The following B3GALT1 variants were observed in gnomAD, a reference collection of about 807,000 sequenced individuals.
B3GALT1 encodes beta-1,3-galactosyltransferase 1, also known as UDP-Gal:betaGlcNAc beta 1,3-galactosyltransferase, polypeptide 1.
B3GALT1 carries 10 observed loss-of-function variants against 23.2 expected under a neutral mutation model. That is an observed-to-expected ratio of 0.43 (90% CI 0.27 to 0.73). The LOEUF (loss-of-function observed/expected upper bound fraction) is 0.73, where lower values mean the gene tolerates loss of function less well. B3GALT1 is among the 30% of genes least tolerant of loss of function. B3GALT1 has a pLI of 0.21. For missense variants in B3GALT1, 299 were observed against 405.4 expected (o/e 0.74, Z 2.25); for synonymous variants, 156 against 141.5 (o/e 1.10, Z -0.73).
chr2:167,826,902 A>G (rs1455542687), intron 4 of B3GALT1, among the ~76,000 whole-genome samples: 1 of 152,228 alleles, frequency 6.6e-6, no homozygotes, highest in Non-Finnish European at 1.5e-5. Flanking sequence ...CAAATCCTGC[A>G]CCATGTTATA....
At chr2:167,779,620 T>C (rs925509697) in intron 3 of B3GALT1, among the ~76,000 whole-genome samples, 4 of 152,220 alleles carry the variant, frequency 2.6e-5, no homozygotes, top group Non-Finnish European at 5.9e-5. Flanking sequence ...TCAAGATGCA[T>C]GCTCTGACGG....
At chr2:167,803,164 T>C (rs1193459520) in intron 3 of B3GALT1, among the ~76,000 whole-genome samples, 3 of 151,346 alleles carry the variant, frequency 2.0e-5, no homozygotes, top group Admixed American at 2.0e-4. Context: ...ACAGAAACTT[T>C]CCATCAAACA....
intron 1 of B3GALT1, among the ~76,000 whole-genome samples, chr2:167,330,752 C>A (rs1029712703): frequency 6.6e-6 from 1 of 151,968 alleles, no homozygotes; most frequent in African/African-American, 2.4e-5. Context: ...ATTCTGATTT[C>A]TTTATATTGT....
At chr2:167,375,161 A>G (rs2105272274) in intron 1 of B3GALT1, among the ~76,000 whole-genome samples, 1 of 151,990 alleles carries the variant, frequency 6.6e-6, no homozygotes, top group South Asian at 2.1e-4. Context: ...GTGTGGCTTT[A>G]CTTCTCTGGG....
In B3GALT1 at chr2:167,819,435, GATAA is replaced by G. The variant is rs376818392; in HGVS notation, c.-230+646_-230+649del. Among the ~76,000 whole-genome samples the G allele has an allele frequency of 1.8e-3, 281 of 152,220 alleles. 2 individuals carry two copies. Among genetic ancestry groups the G allele is most frequent in the African/African-American group, 6.4e-3 (267 of 41,544 alleles). On this transcript the variant is annotated intron_variant, in intron 4 of 4. Coordinates refer to ENST00000392690, the MANE Select transcript of B3GALT1 (RefSeq NM_020981.4). ...TTTTATTTAAAGTGATAAAAAGCAA[GATAA>G]ATACTTAGAATATTCCTTTATACAC...
At chr2:167,486,808 G>A (rs932390615) in intron 1 of B3GALT1, among the ~76,000 whole-genome samples, 1 of 152,046 alleles carries the variant, frequency 6.6e-6, no homozygotes, top group Non-Finnish European at 1.5e-5. Flanking sequence ...CTGGCCAAAA[G>A]AAAGAATAGA....
At chr2:167,414,232 A>G (rs1267335450) in intron 1 of B3GALT1, among the ~76,000 whole-genome samples, 1 of 152,130 alleles carries the variant, frequency 6.6e-6, no homozygotes, top group Non-Finnish European at 1.5e-5. Flanking sequence ...GAATACTATT[A>G]GTGTCTTTAC....
At chr2:167,753,670 T>G (rs1687773164) in intron 3 of B3GALT1, among the ~76,000 whole-genome samples, 2 of 152,206 alleles carry the variant, frequency 1.3e-5, no homozygotes. Flanking sequence ...GACAACCCAC[T>G]TTTCTCATTG....
intron 3 of B3GALT1, chr2:167,714,816 C>T: frequency 6.2e-7 from 1 of 1,611,886 alleles, no homozygotes; most frequent in Non-Finnish European, 8.5e-7. Context: ...TTTTCTTCCA[C>T]TTTAGAAAGC....
chr2:167,628,319 G>A (rs1213905681), intron 2 of B3GALT1, among the ~76,000 whole-genome samples: 5 of 151,480 alleles, frequency 3.3e-5, no homozygotes, highest in Non-Finnish European at 7.4e-5. Flanking sequence ...TTCCATTTAA[G>A]GTCTATGAGA....
intron 2 of B3GALT1, among the ~76,000 whole-genome samples, chr2:167,592,051 G>A (rs6743050): frequency 0.82 from 124,169 of 152,104 alleles, 50,774 homozygotes; most frequent in Admixed American, 0.87. Flanking sequence ...TAGTGATAAG[G>A]TTCTGGCCTG....
intron 2 of B3GALT1, among the ~76,000 whole-genome samples, chr2:167,537,013 A>G (rs902216821): frequency 7.2e-5 from 11 of 152,132 alleles, no homozygotes; most frequent in Non-Finnish European, 5.9e-5. Flanking sequence ...CTAACTCTGA[A>G]GCCTAACATG....
intron 2 of B3GALT1, among the ~76,000 whole-genome samples, chr2:167,499,588 T>C (rs985672746): frequency 6.6e-6 from 1 of 152,188 alleles, no homozygotes; most frequent in Non-Finnish European, 1.5e-5. Flanking sequence ...AAAAGCCTTT[T>C]ACAAACTTTT....
chr2:167,707,501 TTTC>T (rs1365433992), intron 3 of B3GALT1, among the ~76,000 whole-genome samples: 4 of 76,772 alleles, frequency 5.2e-5, no homozygotes, highest in African/African-American at 1.4e-4. Flanking sequence ...AGAATTTATT[TTTC>T]TTATTTTTTT....
At chr2:167,773,394 A>G (rs987814779) in intron 3 of B3GALT1, among the ~76,000 whole-genome samples, 3 of 152,184 alleles carry the variant, frequency 2.0e-5, no homozygotes, top group Non-Finnish European at 4.4e-5. Context: ...ATATGTCCTC[A>G]TGACTAACAC....
At chr2:167,700,639 TAGTTTC>T (rs887786100) in intron 3 of B3GALT1, among the ~76,000 whole-genome samples, 18 of 152,144 alleles carry the variant, frequency 1.2e-4, no homozygotes, top group African/African-American at 4.1e-4. Context: ...ATATCTCAAA[TAGTTTC>T]AGAAAAGCAT....
chr2:167,420,849 G>A (rs1698536296), intron 1 of B3GALT1, among the ~76,000 whole-genome samples: 2 of 152,192 alleles, frequency 1.3e-5, no homozygotes, highest in African/African-American at 2.4e-5. Flanking sequence ...ATTGCATGAA[G>A]TAGAGGAAGG....
chr2:167,310,629 C>G lies in B3GALT1; in HGVS notation c.-511+17295C>G, dbSNP rs569796195. Among the ~76,000 whole-genome samples the G allele has an allele frequency of 1.9e-4, 29 of 152,026 alleles. No individual in the cohort carries two copies. The East Asian group carries it at 5.6e-3, about 29-fold the overall frequency. On this transcript the variant is annotated intron_variant, in intron 1 of 4. Coordinates refer to ENST00000392690, the MANE Select transcript of B3GALT1 (RefSeq NM_020981.4). ...AGTAGTGGTTGGAGATAAGAATTCC[C>G]TAAGTGTGGTTGGGGAGGTAGCCAG... is the stretch of plus-strand genomic sequence containing the variant.
At chr2:167,795,830 G>C (rs935102275) in intron 3 of B3GALT1, among the ~76,000 whole-genome samples, 2 of 152,208 alleles carry the variant, frequency 1.3e-5, no homozygotes, top group African/African-American at 4.8e-5. Context: ...TGAATGGTCA[G>C]CAATGCAGAT....
Sources: gnomAD v4.1 joint callset for allele counts (sites outside exome capture counted in the v4.1 genomes callset) on GRCh38, gnomAD v4.1.1 for gene constraint, MANE v1.5 for transcripts, NCBI Gene and HGNC (gene_info 2026-07-23, HGNC 2026-07-21) for gene names.